The following ITGBL1 variants were observed in gnomAD, a reference collection of about 807,000 sequenced individuals.
ITGBL1 encodes integrin beta-like protein 1.
Under a neutral mutation model 68.5 loss-of-function variants are expected in ITGBL1, and 51 were observed. The observed-to-expected ratio is 0.74, with a 90% CI of 0.59 to 0.94. ITGBL1 has a LOEUF of 0.94. ITGBL1 is among the 40% of genes least tolerant of loss of function. ITGBL1 has a pLI of 0.00. For synonymous variants in ITGBL1, 209 were observed against 227.3 expected, an observed-to-expected ratio of 0.92 and a Z score of 0.72; for missense variants, 649 against 647.4, an observed-to-expected ratio of 1.00 and a Z score of -0.03.
chr13:101,590,718 A>G (rs2050637678), intron 6 of ITGBL1, among the ~76,000 whole-genome samples: 1 of 152,198 alleles, frequency 6.6e-6, no homozygotes, highest in Non-Finnish European at 1.5e-5. Context: ...GCTGAAATAA[A>G]ACCACTTGTC....
chr13:101,532,774 C>T (rs2049506407), intron 2 of ITGBL1, among the ~76,000 whole-genome samples: 1 of 152,166 alleles, frequency 6.6e-6, no homozygotes, highest in African/African-American at 2.4e-5. Context: ...ATTTCACTGC[C>T]ATAAGGATGA....
chr13:101,489,672 A>C (rs569754403), intron 2 of ITGBL1, among the ~76,000 whole-genome samples: 1 of 152,322 alleles, frequency 6.6e-6, no homozygotes, highest in South Asian at 2.1e-4. Flanking sequence ...CTTTTGAATA[A>C]CATTTGGTAA....
intron 2 of ITGBL1, among the ~76,000 whole-genome samples, chr13:101,474,323 CTCTT>C (rs1455891269): frequency 3.3e-5 from 5 of 152,126 alleles, no homozygotes; most frequent in Non-Finnish European, 4.4e-5. Context: ...TGGATAGACA[CTCTT>C]TCTGACTGAG....
At chr13:101,601,142 T>A (rs988322066) in intron 7 of ITGBL1, among the ~76,000 whole-genome samples, 17 of 152,218 alleles carry the variant, frequency 1.1e-4, no homozygotes, top group Non-Finnish European at 1.8e-4. Context: ...GAGATTCAAC[T>A]TCTTCCTGGT....
chr13:101,557,054 C>T (rs1258064706), intron 2 of ITGBL1, among the ~76,000 whole-genome samples: 1 of 152,216 alleles, frequency 6.6e-6, no homozygotes, highest in Non-Finnish European at 1.5e-5. Flanking sequence ...CTTATCCCTC[C>T]TCAGGGGACA....
At chr13:101,503,586 G>T (rs990029704) in intron 2 of ITGBL1, among the ~76,000 whole-genome samples, 9 of 152,076 alleles carry the variant, frequency 5.9e-5, no homozygotes. Context: ...GACACTAGTG[G>T]GCACCCCTGA....
At chr13:101,619,516 T>A (rs541232157) in intron 7 of ITGBL1, among the ~76,000 whole-genome samples, 1 of 152,254 alleles carries the variant, frequency 6.6e-6, no homozygotes, top group Admixed American at 6.5e-5. Context: ...TCCTAAAGCC[T>A]CCAGAAGGAA....
intron 2 of ITGBL1, among the ~76,000 whole-genome samples, chr13:101,494,609 T>C (rs1402194342): frequency 4.6e-5 from 7 of 152,238 alleles, no homozygotes; most frequent in African/African-American, 7.2e-5. Flanking sequence ...ATACATATGA[T>C]GGCTATAATA....
At chr13:101,584,549 A>G (rs2050518686) in intron 6 of ITGBL1, among the ~76,000 whole-genome samples, 1 of 152,166 alleles carries the variant, frequency 6.6e-6, no homozygotes, top group South Asian at 2.1e-4. Context: ...GTGCAACTTC[A>G]AAGGCTTCTC....
chr13:101,506,078 A>G (rs920267859), intron 2 of ITGBL1, among the ~76,000 whole-genome samples: 4 of 152,154 alleles, frequency 2.6e-5, no homozygotes, highest in Non-Finnish European at 5.9e-5. Flanking sequence ...TACCAAGTGA[A>G]TATTCTTTTG....
intron 8 of ITGBL1, among the ~76,000 whole-genome samples, chr13:101,701,428 G>A (rs541322827): frequency 6.6e-6 from 1 of 152,254 alleles, no homozygotes; most frequent in Non-Finnish European, 1.5e-5. Flanking sequence ...AGCTATTCGG[G>A]AGGCTGAGGC....
chr13:101,605,835 TA>T (rs2030792708), intron 7 of ITGBL1, among the ~76,000 whole-genome samples: 1 of 151,058 alleles, frequency 6.6e-6, no homozygotes, highest in Non-Finnish European at 1.5e-5. Context: ...TGTGTATATA[TA>T]TGCATATACA....
At chr13:101,503,121 T>C (rs191337985) in intron 2 of ITGBL1, among the ~76,000 whole-genome samples, 2,117 of 152,294 alleles carry the variant, frequency 0.014, 20 homozygotes, top group Non-Finnish European at 0.024. Flanking sequence ...AAAAGAAATA[T>C]GGGGTAATCA....
At chr13:101,481,897 T>C (rs2048630549) in intron 2 of ITGBL1, among the ~76,000 whole-genome samples, 1 of 152,094 alleles carries the variant, frequency 6.6e-6, no homozygotes. Context: ...GATTAGCGTA[T>C]CCATCACCGC....
intron 6 of ITGBL1, among the ~76,000 whole-genome samples, chr13:101,595,621 G>A (rs9554809): frequency 0.57 from 86,256 of 151,936 alleles, 26,026 homozygotes; most frequent in Middle Eastern, 0.69. Flanking sequence ...ATCACTAATA[G>A]GGAAATGCAA....
intron 2 of ITGBL1, among the ~76,000 whole-genome samples, chr13:101,462,310 A>G (rs2048328523): frequency 6.6e-6 from 1 of 152,204 alleles, no homozygotes; most frequent in Admixed American, 6.5e-5. Flanking sequence ...CATAAACTTC[A>G]TCACATCAGC....
intron 7 of ITGBL1, among the ~76,000 whole-genome samples, chr13:101,647,893 C>G (rs1307522566): frequency 6.6e-6 from 1 of 152,106 alleles, no homozygotes; most frequent in Non-Finnish European, 1.5e-5. Flanking sequence ...AAGTGACTAA[C>G]AAATTGATTA....
intron 4 of ITGBL1, among the ~76,000 whole-genome samples, chr13:101,577,239 G>GAAACCAATCTGCTGAGAGA (rs2050378077): frequency 6.6e-6 from 1 of 152,174 alleles, no homozygotes; most frequent in South Asian, 2.1e-4. Flanking sequence ...TCATTCACAT[G>GAAACCAATCTGCTGAGAGA]AAACCAATCT....
intron 6 of ITGBL1, 149 bp downstream of exon 6, chr13:101,583,505 A>G: frequency 1.8e-6 from 1 of 564,822 alleles, no homozygotes; most frequent in Non-Finnish European, 2.9e-6. Flanking sequence ...TTAATTGTAC[A>G]TTTTTAAATA....
Sources: gnomAD v4.1 joint callset for allele counts (sites outside exome capture counted in the v4.1 genomes callset) on GRCh38, gnomAD v4.1.1 for gene constraint, MANE v1.5 for transcripts, NCBI Gene and HGNC (gene_info 2026-07-23, HGNC 2026-07-21) for gene names.